FLYWCH1: variants seen among roughly 807,000 people sequenced by gnomAD.
FLYWCH1 encodes FLYWCH-type zinc finger 1, also known as FLYWCH-type zinc finger-containing protein 1.
In FLYWCH1, 75 loss-of-function variants were observed where a neutral mutation model predicts 66.4. The ratio of observed to expected loss-of-function variants is 1.13; its 90% CI spans 0.94 to 1.37. FLYWCH1 has a LOEUF of 1.37. Among genes scored for constraint, FLYWCH1 ranks in the 40% most tolerant of loss-of-function variants. The pLI is 0.00. For synonymous variants in FLYWCH1, 595 were observed against 429.9 expected (o/e 1.38, Z -4.75); for missense variants, 1,334 against 1,001.8 (o/e 1.33, Z -4.48).
Position 2,930,679 on chromosome 16 carries a change from T to C in FLYWCH1, c.595T>C (p.Leu199=). 1 of 1,544,620 alleles carries C rather than the reference T, an allele frequency of 6.5e-7. No homozygotes were observed. Residue 199 remains leucine, a synonymous_variant, in exon 4 of 10, where the codon TTG becomes CTG. Coordinates refer to ENST00000253928, the MANE Select transcript of FLYWCH1 (RefSeq NM_001308068.2). The stretch of plus-strand genomic sequence containing the variant: ...GCCCAGCCTGGCCCTGCCAGAGGGC[T>C]TGGGAGAGCCCCAGGGTCCTGAGGG... ...KLPSLALPEG[L]GEPQGPEGPG...
chr16:2,928,602 C>G (rs1004516910), intron 2 of FLYWCH1, among the ~76,000 whole-genome samples: 1 of 152,232 alleles, frequency 6.6e-6, no homozygotes, highest in Non-Finnish European at 1.5e-5. Flanking sequence ...GTTAAAGTTA[C>G]AGATTAACAG....
chr16:2,936,964 A>C (rs543364379), intron 6 of FLYWCH1, 157 bp from the exon 7 acceptor site: 535 of 810,832 alleles, frequency 6.6e-4, no homozygotes, highest in Non-Finnish European at 8.5e-4. Context: ...GAGCCCCAGC[A>C]GAGTTGGGGG....
chr16:2,935,265 CTG>C (rs2070951060), intron 6 of FLYWCH1: 2 of 152,652 alleles, frequency 1.3e-5, no homozygotes, highest in South Asian at 4.1e-4. Context: ...TCGCGGCTGA[CTG>C]GGGGGTGCTC....
At chr16:2,916,296 T>C (rs1186537752) in intron 2 of FLYWCH1, among the ~76,000 whole-genome samples, 1 of 152,112 alleles carries the variant, frequency 6.6e-6, no homozygotes, top group Non-Finnish European at 1.5e-5. Context: ...GCTGAGATCA[T>C]GCCACTGTAC....
chr16:2,936,747 C>G (rs1488796398), intron 6 of FLYWCH1: 5 of 485,998 alleles, frequency 1.0e-5, no homozygotes, highest in Admixed American at 6.9e-5. Context: ...TCCTGAGCAG[C>G]TTTGTCCCCA....
Position 2,929,722 on chromosome 16 carries a change from A to T in FLYWCH1, c.37A>T (p.Ser13Cys), listed in dbSNP as rs1335871271. The T allele has an allele frequency of 6.2e-7, 1 of 1,613,238 alleles. No homozygotes were observed. Among genetic ancestry groups the T allele is most frequent in the South Asian group, 1.1e-5 (1 of 91,036 alleles). ...LPEPSEQEGE[S>C]VKAGQEPSPK... Reference sequence around the variant, plus strand: ...CGAGCCCAGCGAGCAGGAGGGCGAGAGTGTGAAGGCCGGCCAGGAGCCATC... The same window carrying T: ...CGAGCCCAGCGAGCAGGAGGGCGAGTGTGTGAAGGCCGGCCAGGAGCCATC... Residue 13 changes from serine to cysteine, a missense_variant, in exon 3 of 10, where the codon AGT becomes TGT. Physicochemically the swap from Ser to Cys is moderately radical, Grantham distance 112 (BLOSUM62 -1). Coordinates refer to ENST00000253928, the MANE Select transcript of FLYWCH1 (RefSeq NM_001308068.2).
chr16:2,922,208 GTA>G (rs2070397859), intron 2 of FLYWCH1: 1 of 149,534 alleles, frequency 6.7e-6, no homozygotes, highest in Non-Finnish European at 1.5e-5. Context: ...GGTGTTTTGT[GTA>G]TAGTTTGTTA....
At position 2,930,883 on chromosome 16, in the gene FLYWCH1, G is replaced by A. The variant is rs759351283; in HGVS notation, c.796+3G>A. 11 of 1,582,382 alleles carry A rather than the reference G, an allele frequency of 7.0e-6. No individual in the cohort carries two copies. Among genetic ancestry groups the A allele is most frequent in the Non-Finnish European group, 8.5e-6 (10 of 1,169,802 alleles). On this transcript the variant is annotated splice_donor_region_variant and intron_variant, in intron 4 of 9. Coordinates refer to ENST00000253928, the MANE Select transcript of FLYWCH1 (RefSeq NM_001308068.2). ...GAAGCGCTCGATCCTGGGGCTGGGT[G>A]AGTACAATCCACTCCCCTGCTGCGT... is the stretch of plus-strand genomic sequence containing the variant.
At position 2,933,697 on chromosome 16, in the gene FLYWCH1, G is replaced by A. The variant is rs1267909812; in HGVS notation, c.1250-19G>A. The A allele has an allele frequency of 1.9e-5, 31 of 1,604,878 alleles. No homozygotes were observed. Among genetic ancestry groups the A allele is most frequent in the Non-Finnish European group, 2.6e-5 (30 of 1,175,230 alleles). On this transcript the variant is annotated intron_variant, in intron 5 of 9. Transcript: ENST00000253928. ...CCAGCCCCTGTCCCCTCCCCTGACT[G>A]CCTCTTGAACCTCCCCAGGAGGCCC...
intron 6 of FLYWCH1, chr16:2,934,729 T>G (rs1235345932): frequency 2.2e-6 from 1 of 453,500 alleles, no homozygotes; most frequent in South Asian, 1.6e-5. Flanking sequence ...TCTTTCTCTT[T>G]TTGTTCCATC....
intron 4 of FLYWCH1, among the ~76,000 whole-genome samples, chr16:2,932,297 G>A (rs1284785765): frequency 6.0e-4 from 67 of 112,058 alleles, no homozygotes; most frequent in Non-Finnish European, 8.7e-4. Flanking sequence ...AAAAAAAAAA[G>A]ATGGCTGGTG....
chr16:2,926,715 G>A (rs145042782), intron 2 of FLYWCH1, among the ~76,000 whole-genome samples: 2,032 of 152,290 alleles, frequency 0.013, 24 homozygotes, highest in South Asian at 0.018. Flanking sequence ...TAGAATTAAT[G>A]GCCTATGAAA....
At chr16:2,929,071 C>G (rs529863582) in intron 2 of FLYWCH1, among the ~76,000 whole-genome samples, 10 of 152,314 alleles carry the variant, frequency 6.6e-5, no homozygotes, top group Non-Finnish European at 1.3e-4. Flanking sequence ...GCTCTGCGTA[C>G]CAGGCCCACA....
At chr16:2,947,902 G>A (rs1242419891) in intron 9 of FLYWCH1, among the ~76,000 whole-genome samples, 1 of 141,918 alleles carries the variant, frequency 7.0e-6, no homozygotes, top group Non-Finnish European at 1.5e-5. Flanking sequence ...TTAGCCAGAT[G>A]TGGTGGTGTG....
chr16:2,933,684 C>T (rs1331458132), intron 5 of FLYWCH1, 32 bp from the exon 6 acceptor site: 1 of 1,598,514 alleles, frequency 6.3e-7, no homozygotes, highest in East Asian at 2.2e-5. Context: ...AGCCCCTGTC[C>T]CCTCCCCTGA....
chr16:2,932,998 G>A (rs932598938), intron 4 of FLYWCH1, 132 bp from the exon 5 acceptor site: 3 of 773,748 alleles, frequency 3.9e-6, no homozygotes, highest in Admixed American at 2.9e-5. Flanking sequence ...TGACATATCT[G>A]GCTCAGGAAG....
At chr16:2,948,452 A>C (rs2071574028) in intron 9 of FLYWCH1, among the ~76,000 whole-genome samples, 1 of 151,898 alleles carries the variant, frequency 6.6e-6, no homozygotes, top group Admixed American at 6.6e-5. Flanking sequence ...AGTCCCAGCT[A>C]CTCAGGAGGC....
At chr16:2,925,673 A>G (rs1451041668) in intron 2 of FLYWCH1, among the ~76,000 whole-genome samples, 2 of 151,458 alleles carry the variant, frequency 1.3e-5, no homozygotes. Flanking sequence ...TTGCCCCTGC[A>G]CCTCGTGTCA....
intron 7 of FLYWCH1, among the ~76,000 whole-genome samples, chr16:2,937,685 G>T (rs567647602): frequency 6.6e-6 from 1 of 152,120 alleles, no homozygotes; most frequent in Non-Finnish European, 1.5e-5. Flanking sequence ...CTGACGGGCC[G>T]TACGGTGGAT....
Sources: gnomAD v4.1 joint callset for allele counts (sites outside exome capture counted in the v4.1 genomes callset) on GRCh38, gnomAD v4.1.1 for gene constraint, MANE v1.5 for transcripts, NCBI Gene and HGNC (gene_info 2026-07-23, HGNC 2026-07-21) for gene names.